Variants in FSCB observed in about 807,000 individuals in gnomAD.
FSCB encodes fibrous sheath CABYR-binding protein.
For missense variants in FSCB, 975 were observed against 934.8 expected, an observed-to-expected ratio of 1.04 and a Z score of -0.56; for synonymous variants, 331 against 336.6, an observed-to-expected ratio of 0.98 and a Z score of 0.18.
chr14:44,505,328 C>A, the FSCB span: 1 of 1,613,350 alleles, frequency 6.2e-7, no homozygotes, highest in Non-Finnish European at 8.5e-7. Context: ...GCAGGAGCCT[C>A]TTCTGCAGAA....
Position 44,504,637 on chromosome 14 carries a change from A to T in FSCB, c.2351T>A (p.Phe784Tyr), listed in dbSNP as rs765832192. 1 of 1,614,200 alleles carries T rather than the reference A, an allele frequency of 6.2e-7. No homozygotes were observed. Among genetic ancestry groups the T allele is most frequent in the Non-Finnish European group, 8.5e-7 (1 of 1,180,034 alleles). Residue 784 changes from phenylalanine (F) to tyrosine (Y), a missense_variant, in exon 1 of 1, where the codon TTT becomes TAT. Coordinates refer to ENST00000340446, the MANE Select transcript of FSCB (RefSeq NM_032135.4). ...AGAATTGATTTTTGAAACCTCTTCA[A>T]ATTTTGCTTCACCTTCCAAAACAAC... ...GSVVLEGEAK[F>Y]EEVSKINSVL...
chr14:44,504,729 T>C lies in FSCB; in HGVS notation c.2259A>G (p.Val753=), dbSNP rs1163422334. ...ACTGAAATTCTGTAGACACATTCTC[T>C]ACCAGAGCCTCATCTTCAGGGGTTT... The part of the protein sequence containing the change: ...SEQTPEDEAL[V]ENVSTEFQSP... Residue 753 remains valine, a synonymous_variant, in exon 1 of 1, where the codon GTA becomes GTG. Coordinates refer to ENST00000340446, the MANE Select transcript of FSCB (RefSeq NM_032135.4). 6.2e-7 allele frequency: 1 copy of C among 1,614,182 alleles called. No individual in the cohort carries two copies. The highest frequency in any genetic ancestry group is 2.2e-5 in the East Asian group (1 of 44,884).
In FSCB at chr14:44,505,883, G is replaced by A. The variant is rs960561767; in HGVS notation, c.1105C>T (p.Pro369Ser). 1.2e-6 allele frequency: 2 copies of A among 1,613,746 alleles called. No individual in the cohort carries two copies. Among genetic ancestry groups the A allele is most frequent in the Non-Finnish European group, 1.7e-6 (2 of 1,179,766 alleles). ...GAAGGAGACTTTTCAGCTGGTGGAG[G>A]CAGAATTTCAGCAGGAGGCTCTTCT... ...PSEEPPAEIL[P>S]PPAEKSPSVE... Residue 369 changes from proline (P) to serine (S), a missense_variant, in exon 1 of 1, where the codon CCT becomes TCT. Coordinates refer to ENST00000340446, the MANE Select transcript of FSCB (RefSeq NM_032135.4).
At position 44,506,579 on chromosome 14, in the gene FSCB, T is replaced by G; in HGVS notation, c.409A>C (p.Thr137Pro). The change falls in exon 1 of 1, where the codon ACA (threonine) becomes CCA (proline). Residue 137 changes from threonine (T) to proline (P), a missense_variant. Physicochemically the swap from Thr to Pro is conservative, Grantham distance 38. Transcript: ENST00000340446. ...KMDRSQQTSR[T>P]GYWTMMNIPP... ...ATGTTCATCATGGTCCAGTATCCTGTACGGCTGGTCTGCTGAGATCTGTCC... is the reference window on the plus strand; with the variant it reads ...ATGTTCATCATGGTCCAGTATCCTGGACGGCTGGTCTGCTGAGATCTGTCC... 1 of 1,614,220 alleles carries G rather than the reference T, an allele frequency of 6.2e-7. No individual in the cohort carries two copies. The highest frequency in any genetic ancestry group is 8.5e-7 in the Non-Finnish European group (1 of 1,180,044).
At position 44,506,719 on chromosome 14, in the gene FSCB, T is replaced by C; in HGVS notation, c.269A>G (p.Glu90Gly). The C allele has an allele frequency of 6.2e-7, 1 of 1,614,216 alleles. No individual in the cohort carries two copies. ...EEKKEVKLVE[E>G]TVVPEEKSAD... ...TGACTTTTCTTCAGGTACCACGGTT[T>C]CCTCAACTAACTTGACTTCTTTTTT... The change falls in exon 1 of 1, where the codon GAA becomes GGA. Residue 90 changes from glutamate to glycine, a missense_variant. Transcript: ENST00000340446.
Position 44,506,243 on chromosome 14 carries a change from C to A in FSCB, c.745G>T (p.Val249Phe). 9 of 1,614,180 alleles carry A rather than the reference C, an allele frequency of 5.6e-6. No individual in the cohort carries two copies. Among genetic ancestry groups the A allele is most frequent in the Non-Finnish European group, 7.6e-6 (9 of 1,180,032 alleles). Residue 249 changes from valine to phenylalanine, a missense_variant, in exon 1 of 1, where the codon GTT becomes TTT. By Grantham distance (50) the Val-to-Phe change is conservative (BLOSUM62 -1). Coordinates refer to ENST00000340446, the MANE Select transcript of FSCB (RefSeq NM_032135.4). Reference sequence around the variant, plus strand: ...ATTTCAGCAGAAGCCACTTTTTTAACAGCAGAACCTTCTTGTACAACAGGT... The same window carrying A: ...ATTTCAGCAGAAGCCACTTTTTTAAAAGCAGAACCTTCTTGTACAACAGGT... ...TVPVVQEGSA[V>F]KKVASAEIEP...
At position 44,504,553 on chromosome 14, in the gene FSCB, C is replaced by A; in HGVS notation, c.2435G>T (p.Ser812Ile). 2 of 1,613,264 alleles carry A rather than the reference C, an allele frequency of 1.2e-6. No individual in the cohort carries two copies. Among genetic ancestry groups the A allele is most frequent in the Non-Finnish European group, 1.7e-6 (2 of 1,179,678 alleles). The change falls in exon 1 of 1, where the codon AGT becomes ATT. Residue 812 changes from serine (S) to isoleucine (I), a missense_variant. Coordinates refer to ENST00000340446, the MANE Select transcript of FSCB (RefSeq NM_032135.4). ...DGQAPTLEIE[S>I]VFHIELKQRP... The stretch of plus-strand genomic sequence containing the variant: ...TTGTTTTAATTCTATATGAAAAACA[C>A]TTTCTATTTCAAGAGTGGGAGCCTG...
Position 44,504,720 on chromosome 14 carries a change from C to G in FSCB, c.2268G>C (p.Val756=). The part of the protein sequence containing the change: ...TPEDEALVEN[V]STEFQSPQVA... The stretch of plus-strand genomic sequence containing the variant: ...CCTGCGGTGACTGAAATTCTGTAGA[C>G]ACATTCTCTACCAGAGCCTCATCTT... Residue 756 remains valine (V), a synonymous_variant, in exon 1 of 1, where the codon GTG becomes GTC. Transcript: ENST00000340446. 6.2e-7 allele frequency: 1 copy of G among 1,614,154 alleles called. No individual in the cohort carries two copies. The highest frequency in any genetic ancestry group is 8.5e-7 in the Non-Finnish European group (1 of 1,180,032).
In FSCB at chr14:44,504,691, G is replaced by A. The variant is rs1881019016; in HGVS notation, c.2297C>T (p.Ala766Val). The change falls in exon 1 of 1, where the codon GCA becomes GTA. Residue 766 changes from alanine (A) to valine (V), a missense_variant. Physicochemically the swap from Ala to Val is moderately conservative, Grantham distance 64. Transcript: ENST00000340446. ...TCCTAATTTTACTGCTGGAATTCCT[G>A]CCACCTGCGGTGACTGAAATTCTGT... ...VSTEFQSPQV[A>V]GIPAVKLGSV... 1 of 1,613,962 alleles carries A rather than the reference G, an allele frequency of 6.2e-7. No homozygotes were observed. The highest frequency in any genetic ancestry group is 8.5e-7 in the Non-Finnish European group (1 of 1,180,052).
rs1262527333 is a variant in FSCB at position 44,505,609 on chromosome 14, G to A, written c.1379C>T (p.Pro460Leu). Reference sequence around the variant, plus strand: ...TTCTGCAGTGGTCTCTTTAGGTAATGGAGACTGAAATTCAGTAGGAGCCTC... The same window carrying A: ...TTCTGCAGTGGTCTCTTTAGGTAATAGAGACTGAAATTCAGTAGGAGCCTC... Reference protein sequence around the residue: ...AEEAPTEFQSPLPKETTAEEA... With the variant: ...AEEAPTEFQSLLPKETTAEEA... Residue 460 changes from proline (P) to leucine (L), a missense_variant, in exon 1 of 1, where the codon CCA (proline) becomes CTA (leucine). Coordinates refer to ENST00000340446, the MANE Select transcript of FSCB (RefSeq NM_032135.4). 6.2e-7 allele frequency: 1 copy of A among 1,613,238 alleles called. No homozygotes were observed. The highest frequency in any genetic ancestry group is 2.2e-5 in the East Asian group (1 of 44,872).
In FSCB at chr14:44,506,517, T is replaced by C. The variant is rs1881093668; in HGVS notation, c.471A>G (p.Thr157=). ...CCACTATTTCTGATTCACTAAAGTA[T>C]GTCTGTTGTTCCTTGTCCACTTTTT... The part of the protein sequence containing the change: ...PVEKVDKEQQ[T]YFSESEIVVI... Residue 157 remains threonine (T), a synonymous_variant, in exon 1 of 1, where the codon ACA becomes ACG. Transcript: ENST00000340446. The C allele has an allele frequency of 9.9e-6, 16 of 1,614,214 alleles. No homozygotes were observed. The East Asian group carries it at 2.9e-4, about 29-fold the overall frequency.
Position 44,505,298 on chromosome 14 carries a change from C to T in FSCB, c.1690G>A (p.Ala564Thr). ...GCCTCTTCTATAGAAACTCCCTTAG[C>T]TGATGGAGACTGAACTTCAGCAGGA... ...EAPAEVQSPS[A>T]KGVSIEEAPL... Residue 564 changes from alanine (A) to threonine (T), a missense_variant, in exon 1 of 1, where the codon GCT becomes ACT. Physicochemically the swap from Ala to Thr is moderately conservative, Grantham distance 58 (BLOSUM62 0). Transcript: ENST00000340446. 2 of 1,612,982 alleles carry T rather than the reference C, an allele frequency of 1.2e-6. No individual in the cohort carries two copies. Among genetic ancestry groups the T allele is most frequent in the Non-Finnish European group, 1.7e-6 (2 of 1,179,920 alleles).
chr14:44,505,384 G>T lies in FSCB; in HGVS notation c.1604C>A (p.Ala535Glu). The T allele has an allele frequency of 6.2e-7, 1 of 1,612,644 alleles. No individual in the cohort carries two copies. Among genetic ancestry groups the T allele is most frequent in the Non-Finnish European group, 8.5e-7 (1 of 1,179,988 alleles). The change falls in exon 1 of 1, where the codon GCA becomes GAA. Residue 535 changes from alanine (A) to glutamate (E), a missense_variant. Coordinates refer to ENST00000340446, the MANE Select transcript of FSCB (RefSeq NM_032135.4). The stretch of plus-strand genomic sequence containing the variant: ...CTGAGCTTCAGCAGGAGTTTCATCT[G>T]CAGGAGCCTCTATAGCTGCTAGAAG... ...IQLLAAIEAP[A>E]DETPAEAQSP...
Position 44,505,223 on chromosome 14 carries a change from C to A in FSCB, c.1765G>T (p.Ala589Ser), listed in dbSNP as rs1881039223. The change falls in exon 1 of 1, where the codon GCC becomes TCC. Residue 589 changes from alanine (A) to serine (S), a missense_variant. Coordinates refer to ENST00000340446, the MANE Select transcript of FSCB (RefSeq NM_032135.4). ...GCTAGAAGCTGAATTGCAGCAGAGG[C>A]CTCTTCTGCAGTGGTCTCTTCACCT... ...PSGEETTAEE[A>S]SAAIQLLAAT... 6.2e-7 allele frequency: 1 copy of A among 1,612,858 alleles called. No individual in the cohort carries two copies. Among genetic ancestry groups the A allele is most frequent in the Admixed American group, 1.7e-5 (1 of 60,002 alleles).
Position 44,506,210 on chromosome 14 carries a change from G to T in FSCB, c.778C>A (p.Pro260Thr). 1 of 1,614,188 alleles carries T rather than the reference G, an allele frequency of 6.2e-7. No homozygotes were observed. The highest frequency in any genetic ancestry group is 1.1e-5 in the South Asian group (1 of 91,080). Residue 260 changes from proline to threonine, a missense_variant, in exon 1 of 1, where the codon CCA (proline) becomes ACA (threonine). Transcript: ENST00000340446. ...TTAGCTGGGAATTTTTCTGTTGATG[G>T]AGGCTCTATTTCAGCAGAAGCCACT... is the stretch of plus-strand genomic sequence containing the variant. Reference protein sequence around the residue: ...KKVASAEIEPPSTEKFPAKIQ... With the variant: ...KKVASAEIEPTSTEKFPAKIQ...
At position 44,505,740 on chromosome 14, in the gene FSCB, A is replaced by C. The variant is rs762582644; in HGVS notation, c.1248T>G (p.Thr416=). 1.9e-6 allele frequency: 3 copies of C among 1,613,610 alleles called. No homozygotes were observed. Among genetic ancestry groups the C allele is most frequent in the Non-Finnish European group, 1.7e-6 (2 of 1,179,898 alleles). The part of the protein sequence containing the change: ...EEAPAKVEPP[T]VEETLADVQP... ...GAACATCAGCAAGGGTCTCTTCAAC[A>C]GTGGGAGGCTCTACTTTAGCTGGGG... Residue 416 remains threonine (T), a synonymous_variant, in exon 1 of 1, where the codon ACT becomes ACG. Coordinates refer to ENST00000340446, the MANE Select transcript of FSCB (RefSeq NM_032135.4).
chr14:44,505,411 T>C lies in FSCB; in HGVS notation c.1577A>G (p.Gln526Arg), dbSNP rs1479547389. ...AGGAGCCTCTATAGCTGCTAGAAGC[T>C]GAATTTCAGCAGAGGCCTCTTCTGC... is the stretch of plus-strand genomic sequence containing the variant. ...TTAEEASAEI[Q>R]LLAAIEAPAD... The change falls in exon 1 of 1, where the codon CAG becomes CGG. Residue 526 changes from glutamine (Q) to arginine (R), a missense_variant. Gln to Arg is a conservative substitution (Grantham distance 43). Transcript: ENST00000340446. 5 of 1,612,314 alleles carry C rather than the reference T, an allele frequency of 3.1e-6. No homozygotes were observed. In the African/African-American group the frequency reaches 5.3e-5, roughly 17 times the overall value.
In FSCB at chr14:44,506,735, C is replaced by A; in HGVS notation, c.253G>T (p.Val85Phe). 1 of 1,614,140 alleles carries A rather than the reference C, an allele frequency of 6.2e-7. No individual in the cohort carries two copies. The highest frequency in any genetic ancestry group is 8.5e-7 in the Non-Finnish European group (1 of 1,180,014). ...TDTIVEEKKEVKLVEETVVPE... is the reference protein window; with the variant it reads ...TDTIVEEKKEFKLVEETVVPE... ...ACCACGGTTTCCTCAACTAACTTGA[C>A]TTCTTTTTTCTCTTCTACAATGGTG... The change falls in exon 1 of 1, where the codon GTC becomes TTC. Residue 85 changes from valine (V) to phenylalanine (F), a missense_variant. Physicochemically the swap from Val to Phe is conservative, Grantham distance 50. Transcript: ENST00000340446.
chr14:44,504,580 C>A lies in FSCB; in HGVS notation c.2408G>T (p.Gly803Val), dbSNP rs749153983. ...TTCTATTTCAAGAGTGGGAGCCTGT[C>A]CATCATTGGTATTAGACAAATCTTT... is the stretch of plus-strand genomic sequence containing the variant. ...VLKDLSNTND[G>V]QAPTLEIESV... The change falls in exon 1 of 1, where the codon GGA becomes GTA. Residue 803 changes from glycine (G) to valine (V), a missense_variant. Gly to Val is a moderately radical substitution (Grantham distance 109). Coordinates refer to ENST00000340446, the MANE Select transcript of FSCB (RefSeq NM_032135.4). The A allele has an allele frequency of 6.2e-7, 1 of 1,614,064 alleles. No individual in the cohort carries two copies. The highest frequency in any genetic ancestry group is 8.5e-7 in the Non-Finnish European group (1 of 1,179,956).
Sources: gnomAD v4.1 joint callset for allele counts on GRCh38, gnomAD v4.1.1 for gene constraint, MANE v1.5 for transcripts, NCBI Gene and HGNC (gene_info 2026-07-23, HGNC 2026-07-21) for gene names.